ST6GALNAC3: variants seen among roughly 807,000 people sequenced by gnomAD.
ST6GALNAC3 encodes alpha-N-acetylgalactosaminide alpha-2,6-sialyltransferase 3.
ST6GALNAC3 carries 25 observed loss-of-function variants against 32.7 expected under a neutral mutation model. The ratio of observed to expected loss-of-function variants is 0.76; its 90% CI spans 0.56 to 1.07. The LOEUF (loss-of-function observed/expected upper bound fraction) is 1.07. Ranked by LOEUF, ST6GALNAC3 falls within the 50% of genes least tolerant of loss-of-function variation. The pLI is 0.00. For synonymous variants in ST6GALNAC3, 129 were observed against 133.1 expected (o/e 0.97, Z 0.21); for missense variants, 355 against 382.4 (o/e 0.93, Z 0.60).
At chr1:76,605,490 A>T (rs896670900) in intron 3 of ST6GALNAC3, among the ~76,000 whole-genome samples, 2 of 152,174 alleles carry the variant, frequency 1.3e-5, no homozygotes, top group African/African-American at 4.8e-5. Flanking sequence ...CAATCTTTCT[A>T]TCTGACAAAG....
intron 3 of ST6GALNAC3, among the ~76,000 whole-genome samples, chr1:76,586,444 T>C (rs1426171848): frequency 2.0e-5 from 3 of 152,186 alleles, no homozygotes; most frequent in Non-Finnish European, 4.4e-5. Context: ...CTTTGTGTTG[T>C]GAAAAAGAAA....
intron 1 of ST6GALNAC3, among the ~76,000 whole-genome samples, chr1:76,302,695 G>T (rs1214234424): frequency 6.6e-6 from 1 of 151,896 alleles, no homozygotes; most frequent in Non-Finnish European, 1.5e-5. Context: ...TATTAGATGG[G>T]TACTCTTATT....
At chr1:76,470,325 A>G (rs1658934841) in intron 3 of ST6GALNAC3, among the ~76,000 whole-genome samples, 1 of 152,104 alleles carries the variant, frequency 6.6e-6, no homozygotes. Flanking sequence ...TTATGGTTGC[A>G]AAAGATTCCA....
chr1:76,566,430 C>T (rs138864864), intron 3 of ST6GALNAC3, among the ~76,000 whole-genome samples: 350 of 152,214 alleles, frequency 2.3e-3, no homozygotes, highest in African/African-American at 8.0e-3. Flanking sequence ...GGAATAAAAG[C>T]TCACACTCTT....
intron 1 of ST6GALNAC3, among the ~76,000 whole-genome samples, chr1:76,301,837 G>GT (rs554563584): frequency 0.024 from 3,522 of 147,210 alleles, 118 homozygotes; most frequent in African/African-American, 0.078. Flanking sequence ...AAAAAAAGAA[G>GT]TTTTTTTTTT....
At chr1:76,310,877 C>T (rs1306139710) in intron 1 of ST6GALNAC3, among the ~76,000 whole-genome samples, 2 of 152,136 alleles carry the variant, frequency 1.3e-5, no homozygotes, top group Admixed American at 6.6e-5. Context: ...CCACCTGACT[C>T]CTTGACAGTT....
intron 3 of ST6GALNAC3, among the ~76,000 whole-genome samples, chr1:76,434,175 A>G (rs1030649929): frequency 3.9e-5 from 6 of 152,232 alleles, no homozygotes; most frequent in African/African-American, 1.4e-4. Flanking sequence ...AACATGGGTT[A>G]GCTCCTTTCT....
chr1:76,536,211 T>C (rs576980380), intron 3 of ST6GALNAC3, among the ~76,000 whole-genome samples: 11 of 152,272 alleles, frequency 7.2e-5, no homozygotes, highest in African/African-American at 2.6e-4. Flanking sequence ...AGGAAAATGA[T>C]CACAATTCAG....
chr1:76,259,661 A>C (rs992668047), intron 1 of ST6GALNAC3, among the ~76,000 whole-genome samples: 2 of 152,178 alleles, frequency 1.3e-5, no homozygotes, highest in African/African-American at 4.8e-5. Flanking sequence ...TTGTAAGTGA[A>C]ATGGGTGTTG....
chr1:76,332,032 A>G (rs982717506), intron 2 of ST6GALNAC3, among the ~76,000 whole-genome samples: 2 of 152,214 alleles, frequency 1.3e-5, no homozygotes, highest in East Asian at 1.9e-4. Context: ...TGTTAAAGTC[A>G]TTAGTGTTAA....
intron 3 of ST6GALNAC3, among the ~76,000 whole-genome samples, chr1:76,610,449 A>G (rs1024145653): frequency 4.6e-5 from 7 of 152,082 alleles, no homozygotes; most frequent in Admixed American, 1.3e-4. Flanking sequence ...TAGGTCAGGG[A>G]AGCAGGAAAT....
intron 1 of ST6GALNAC3, among the ~76,000 whole-genome samples, chr1:76,082,432 AG>A (rs1156519851): frequency 6.6e-6 from 1 of 152,198 alleles, no homozygotes; most frequent in African/African-American, 2.4e-5. Flanking sequence ...CAGAGAAAAA[AG>A]GGGGTGCTAA....
Position 76,631,844 on chromosome 1 carries a change from G to C in ST6GALNAC3, c.*3038G>C, listed in dbSNP as rs1649314057. On this transcript the variant is annotated 3_prime_UTR_variant, in exon 5 of 5. Coordinates refer to ENST00000328299, the MANE Select transcript of ST6GALNAC3 (RefSeq NM_152996.4). The stretch of plus-strand genomic sequence containing the variant: ...TATGCATAATTCTATGAAAAAGCAA[G>C]GTAATTTAAAAAGAGTTTTAAAATG... The C allele has an allele frequency of 1.3e-5, 2 of 151,940 alleles. No individual in the cohort carries two copies. Among genetic ancestry groups the C allele is most frequent in the Non-Finnish European group, 2.9e-5 (2 of 67,960 alleles). 9.4% of individuals were successfully genotyped at this position (151,940 alleles called of 1,614,324 possible).
Position 76,510,505 on chromosome 1 carries a change from G to C in ST6GALNAC3, c.623+98088G>C, listed in dbSNP as rs1273148775. ...GGAACCAGAGAGACGGAACCTAGAA[G>C]GATGGTCCAAGAAGTAGAAAGTGAA... On this transcript the variant is annotated intron_variant, in intron 3 of 4. Transcript: ENST00000328299. Among the ~76,000 whole-genome samples the C allele has an allele frequency of 2.0e-5, 3 of 152,142 alleles. No homozygotes were observed. The East Asian group carries it at 5.8e-4, about 29-fold the overall frequency.
At chr1:76,500,967 C>T (rs188711055) in intron 3 of ST6GALNAC3, among the ~76,000 whole-genome samples, 1 of 152,162 alleles carries the variant, frequency 6.6e-6, no homozygotes, top group Non-Finnish European at 1.5e-5. Context: ...TATGTAACTA[C>T]ATATTCATAA....
intron 1 of ST6GALNAC3, among the ~76,000 whole-genome samples, chr1:76,238,258 G>A (rs1656770308): frequency 6.6e-6 from 1 of 152,148 alleles, no homozygotes; most frequent in Admixed American, 6.5e-5. Flanking sequence ...GCTCTTTGAA[G>A]CAAAGCTATT....
chr1:76,080,603 G>C (rs1414889101), intron 1 of ST6GALNAC3, among the ~76,000 whole-genome samples: 1 of 147,104 alleles, frequency 6.8e-6, no homozygotes, highest in Non-Finnish European at 1.5e-5. Context: ...GATCATTTTG[G>C]TTCCCCAGAT....
intron 1 of ST6GALNAC3, among the ~76,000 whole-genome samples, chr1:76,132,456 C>T (rs977457712): frequency 6.6e-6 from 1 of 152,076 alleles, no homozygotes; most frequent in African/African-American, 2.4e-5. Context: ...TGCATGAGGT[C>T]CTTCATCTCT....
At chr1:76,427,829 A>G (rs181972693) in intron 3 of ST6GALNAC3, among the ~76,000 whole-genome samples, 64 of 152,246 alleles carry the variant, frequency 4.2e-4, no homozygotes, top group South Asian at 6.2e-4. Context: ...TCTTGTCTCC[A>G]TGTGAGACCT....
Sources: allele counts gnomAD v4.1 joint callset (sites outside exome capture counted in the v4.1 genomes callset), GRCh38; gene constraint gnomAD v4.1.1; transcripts MANE v1.5; gene names NCBI Gene and HGNC (gene_info 2026-07-23, HGNC 2026-07-21).